The following SNTG1 variants were observed in gnomAD, a reference collection of about 807,000 sequenced individuals.
SNTG1 encodes the protein gamma-1-syntrophin.
Under a neutral mutation model 74.7 loss-of-function variants are expected in SNTG1, and 39 were observed. The observed-to-expected ratio is 0.52, with a 90% CI of 0.40 to 0.68. The LOEUF (loss-of-function observed/expected upper bound fraction) is 0.68, where lower values mean the gene tolerates loss of function less well. Ranked by LOEUF, SNTG1 falls within the 30% of genes least tolerant of loss-of-function variation. The pLI, the probability that SNTG1 is intolerant of heterozygous loss-of-function variation, is 0.00. For synonymous variants in SNTG1, 254 were observed against 217.1 expected, an observed-to-expected ratio of 1.17 and a Z score of -1.49; for missense variants, 685 against 609.5, an observed-to-expected ratio of 1.12 and a Z score of -1.30.
chr8:50,633,276 G>A (rs1214353230), intron 13 of SNTG1, among the ~76,000 whole-genome samples: 1 of 152,190 alleles, frequency 6.6e-6, no homozygotes, highest in Non-Finnish European at 1.5e-5. Context: ...GGGCCATCTT[G>A]CTCCCCAGTC....
chr8:50,146,476 C>A (rs564055831), intron 1 of SNTG1, among the ~76,000 whole-genome samples: 1 of 152,200 alleles, frequency 6.6e-6, no homozygotes, highest in South Asian at 2.1e-4. Flanking sequence ...CAAGATCACG[C>A]CATTGCACTC....
intron 17 of SNTG1, among the ~76,000 whole-genome samples, chr8:50,725,496 A>G (rs2095497906): frequency 6.6e-6 from 1 of 152,196 alleles, no homozygotes; most frequent in African/African-American, 2.4e-5. Flanking sequence ...TAATAATATA[A>G]TAAACAACAA....
rs2094871955 is a variant in SNTG1 at position 50,614,335 on chromosome 8, T to C, written c.849+23418T>C. On this transcript the variant is annotated intron_variant, in intron 13 of 18. Transcript: ENST00000642720. ...AAAGCATTCAATATTAAGCTTGAAA[T>C]AGTTTCTTTCTAGATAAGAAGGCCT... 3.3e-5 allele frequency among the ~76,000 whole-genome samples: 5 copies of C among 152,236 alleles called. No homozygotes were observed. In the South Asian group the frequency reaches 1.0e-3, roughly 32 times the overall value.
At chr8:50,640,443 G>C (rs2095065497) in intron 13 of SNTG1, among the ~76,000 whole-genome samples, 1 of 152,130 alleles carries the variant, frequency 6.6e-6, no homozygotes, top group Non-Finnish European at 1.5e-5. Flanking sequence ...CTCTCAAGTG[G>C]TATCTGATTT....
At chr8:49,909,816 G>C (rs111274845), upstream of SNTG1, 2 of 152,316 alleles carry the variant, frequency 1.3e-5, no homozygotes, top group Admixed American at 6.5e-5. Flanking sequence ...CGCGAGCCGC[G>C]GTGGCGGCTG....
intron 2 of SNTG1, among the ~76,000 whole-genome samples, chr8:50,382,609 T>C (rs971662621): frequency 2.0e-5 from 3 of 152,180 alleles, no homozygotes; most frequent in Non-Finnish European, 4.4e-5. Flanking sequence ...TTTTTCTAGA[T>C]AATATCATCA....
chr8:50,193,512 A>G (rs778002217), intron 2 of SNTG1, among the ~76,000 whole-genome samples: 1 of 152,114 alleles, frequency 6.6e-6, no homozygotes, highest in Non-Finnish European at 1.5e-5. Flanking sequence ...ATTTGTATAC[A>G]TTAATCTTGT....
intron 8 of SNTG1, among the ~76,000 whole-genome samples, chr8:50,496,019 C>T (rs184322688): frequency 6.6e-6 from 1 of 152,130 alleles, no homozygotes; most frequent in Non-Finnish European, 1.5e-5. Context: ...TTGGTTTCCA[C>T]GTATAGTCAG....
chr8:50,752,001 G>A lies in SNTG1; in HGVS notation c.1285G>A (p.Ala429Thr). The change falls in exon 18 of 19, where the codon GCT becomes ACT. Residue 429 changes from alanine (A) to threonine (T), a missense_variant and splice_region_variant. Ala to Thr is a moderately conservative substitution (Grantham distance 58). Transcript: ENST00000642720. ...ACATTGTTTTTTTTCCCCCCTTTAG[G>A]CTGTCCTTTGGAGGTATAAATTCTC... ...GFICFDAATK[A>T]VLWRYKFSQL... 2 of 1,540,620 alleles carry A rather than the reference G, an allele frequency of 1.3e-6. No individual in the cohort carries two copies. The highest frequency in any genetic ancestry group is 1.3e-5 in the South Asian group (1 of 78,866).
At chr8:50,470,043 G>A (rs1287003386) in intron 8 of SNTG1, among the ~76,000 whole-genome samples, 2 of 152,128 alleles carry the variant, frequency 1.3e-5, no homozygotes, top group African/African-American at 2.4e-5. Flanking sequence ...AATAGAAGCC[G>A]TTTGCCATTT....
intron 1 of SNTG1, among the ~76,000 whole-genome samples, chr8:49,947,255 C>T (rs896111393): frequency 6.6e-6 from 1 of 151,938 alleles, no homozygotes. Flanking sequence ...AGTCAAGATC[C>T]CACCATTGCA....
At chr8:50,192,163 T>C (rs976258382) in intron 2 of SNTG1, among the ~76,000 whole-genome samples, 2 of 152,142 alleles carry the variant, frequency 1.3e-5, no homozygotes, top group Non-Finnish European at 2.9e-5. Flanking sequence ...AAAAAGCTTT[T>C]GTTGTTGTTT....
intron 13 of SNTG1, among the ~76,000 whole-genome samples, chr8:50,656,689 C>A (rs2271203): frequency 0.56 from 84,557 of 151,960 alleles, 25,772 homozygotes; most frequent in Non-Finnish European, 0.68. Flanking sequence ...CTGGTAGAAA[C>A]GTATAAGAAA....
chr8:50,207,823 A>T (rs1357979597), intron 2 of SNTG1, among the ~76,000 whole-genome samples: 3 of 152,160 alleles, frequency 2.0e-5, no homozygotes, highest in Non-Finnish European at 2.9e-5. Context: ...TTCTTTATGT[A>T]CCCAGTAGTC....
intron 15 of SNTG1, among the ~76,000 whole-genome samples, chr8:50,663,143 A>C (rs1477240584): frequency 6.6e-6 from 1 of 152,124 alleles, no homozygotes; most frequent in African/African-American, 2.4e-5. Flanking sequence ...TCCAAGGAAT[A>C]ATGTATAAAC....
chr8:49,966,259 A>AT (rs1427947848), intron 1 of SNTG1, among the ~76,000 whole-genome samples: 1 of 152,134 alleles, frequency 6.6e-6, no homozygotes, highest in Non-Finnish European at 1.5e-5. Context: ...ATTTATAGTT[A>AT]TTAGTCCATA....
chr8:50,177,778 A>G (rs1586598013), intron 2 of SNTG1, among the ~76,000 whole-genome samples: 2 of 152,284 alleles, frequency 1.3e-5, no homozygotes, highest in East Asian at 3.9e-4. Context: ...GCAGTGTTCT[A>G]TGGGTCTGAC....
At chr8:50,665,659 A>G (rs1166443386) in intron 15 of SNTG1, among the ~76,000 whole-genome samples, 1 of 152,210 alleles carries the variant, frequency 6.6e-6, no homozygotes, top group Non-Finnish European at 1.5e-5. Context: ...GGAGGTGTTC[A>G]GAGAATGATG....
Position 50,561,145 on chromosome 8 carries a change from T to C in SNTG1, c.810+7966T>C, listed in dbSNP as rs1181695201. Among the ~76,000 whole-genome samples the C allele has an allele frequency of 3.3e-5, 5 of 152,100 alleles. No homozygotes were observed. In the South Asian group the frequency reaches 8.3e-4, roughly 25 times the overall value. ...GGTTTCCCCCATGCTGTTCTCATGATAGTGAGTGAGTTCTCATGAAAGCTG... is the reference window on the plus strand; with the variant it reads ...GGTTTCCCCCATGCTGTTCTCATGACAGTGAGTGAGTTCTCATGAAAGCTG... On this transcript the variant is annotated intron_variant, in intron 12 of 18. Coordinates refer to ENST00000642720, the MANE Select transcript of SNTG1 (RefSeq NM_018967.5).
Sources: allele counts gnomAD v4.1 joint callset (sites outside exome capture counted in the v4.1 genomes callset), GRCh38; gene constraint gnomAD v4.1.1; transcripts MANE v1.5; gene names NCBI Gene and HGNC (gene_info 2026-07-23, HGNC 2026-07-21).